The following EFCAB11 variants were observed in gnomAD, a reference collection of about 807,000 sequenced individuals.
EFCAB11 encodes EF-hand calcium binding domain 11, also known as EF-hand calcium-binding domain-containing protein 11.
Under a neutral mutation model 23.0 loss-of-function variants are expected in EFCAB11, and 14 were observed. The ratio of observed to expected loss-of-function variants is 0.61; its 90% confidence interval spans 0.40 to 0.95. The LOEUF (loss-of-function observed/expected upper bound fraction) is 0.95, where lower values mean the gene tolerates loss of function less well. Among genes scored for constraint, EFCAB11 ranks in the 40% least tolerant of loss-of-function variants. The pLI, the probability that EFCAB11 is intolerant of heterozygous loss-of-function variation, is 0.00. For missense variants in EFCAB11, 198 were observed against 195.8 expected, an observed-to-expected ratio of 1.01 and a Z score of -0.07; for synonymous variants, 65 against 66.6, an observed-to-expected ratio of 0.98 and a Z score of 0.11.
chr14:89,921,341 G>A (rs1283429603), intron 5 of EFCAB11, among the ~76,000 whole-genome samples: 2 of 152,156 alleles, frequency 1.3e-5, no homozygotes, highest in African/African-American at 4.8e-5. Context: ...TAGGGGCCTT[G>A]TATGTCAGGC....
At chr14:89,861,867 A>G (rs1026908204) in intron 5 of EFCAB11, among the ~76,000 whole-genome samples, 6 of 152,238 alleles carry the variant, frequency 3.9e-5, no homozygotes, top group Non-Finnish European at 8.8e-5. Flanking sequence ...CCCAGCCTCT[A>G]GAACTGTGAG....
chr14:89,952,566 C>T, intron 2 of EFCAB11: 1 of 985,470 alleles, frequency 1.0e-6, no homozygotes, highest in Non-Finnish European at 1.2e-6. Flanking sequence ...TAGGCAGCCC[C>T]TCATAGCTGA....
chr14:89,836,770 G>C (rs898084474), intron 5 of EFCAB11: 2 of 415,024 alleles, frequency 4.8e-6, no homozygotes, highest in Non-Finnish European at 9.7e-6. Context: ...TGTAATCCCA[G>C]CACTTTGGGA....
intron 5 of EFCAB11, among the ~76,000 whole-genome samples, chr14:89,833,828 C>G (rs1596389804): frequency 6.6e-6 from 1 of 152,144 alleles, no homozygotes; most frequent in East Asian, 1.9e-4. Flanking sequence ...AATTTATTTT[C>G]TTTCTCTCTA....
chr14:89,867,059 G>A (rs532356869), intron 5 of EFCAB11, among the ~76,000 whole-genome samples: 2 of 152,266 alleles, frequency 1.3e-5, no homozygotes, highest in Admixed American at 6.5e-5. Flanking sequence ...GAGCCACTGC[G>A]CCTGGCCTGA....
At position 89,885,889 on chromosome 14, in the gene EFCAB11, T is replaced by C. The variant is rs566194861; in HGVS notation, c.410+45652A>G. ...TTGGCTTCTTGTTTTTTTCTTTTTTTTTCTTTGGTGGAAATTGAAAAACTG... is the reference window on the plus strand; with the variant it reads ...TTGGCTTCTTGTTTTTTTCTTTTTTCTTCTTTGGTGGAAATTGAAAAACTG... On this transcript the variant is annotated intron_variant, in intron 5 of 5. Transcript: ENST00000316738. Among the ~76,000 whole-genome samples the C allele has an allele frequency of 6.6e-5, 10 of 150,606 alleles. No homozygotes were observed. The East Asian group carries it at 1.5e-3, about 23-fold the overall frequency.
chr14:89,807,279 C>G (rs769669972), intron 5 of EFCAB11, among the ~76,000 whole-genome samples: 2 of 152,176 alleles, frequency 1.3e-5, no homozygotes, highest in African/African-American at 2.4e-5. Context: ...CAGTACAAGT[C>G]CTTCCACAAA....
intron 5 of EFCAB11, among the ~76,000 whole-genome samples, chr14:89,925,749 G>A (rs895949499): frequency 1.2e-4 from 18 of 150,906 alleles, no homozygotes; most frequent in Admixed American, 1.0e-3. Context: ...GGGTTCAAGC[G>A]ATTCTCCTGC....
intron 5 of EFCAB11, among the ~76,000 whole-genome samples, chr14:89,854,956 A>C (rs753652583): frequency 2.2e-4 from 33 of 152,124 alleles, no homozygotes; most frequent in Non-Finnish European, 3.5e-4. Context: ...TTTGATACAC[A>C]ATCTCCTCAT....
chr14:89,798,192 T>C (rs1885639699), intron 5 of EFCAB11, among the ~76,000 whole-genome samples: 1 of 152,260 alleles, frequency 6.6e-6, no homozygotes, highest in Non-Finnish European at 1.5e-5. Flanking sequence ...ATAAACTTTC[T>C]GAATATTTCA....
Position 89,950,136 on chromosome 14 carries a change from C to T in EFCAB11, c.178G>A (p.Val60Met), listed in dbSNP as rs766970610. The T allele has an allele frequency of 1.3e-6, 2 of 1,557,994 alleles. No homozygotes were observed. Among genetic ancestry groups the T allele is most frequent in the Admixed American group, 1.7e-5 (1 of 57,250 alleles). ...TTTATTGAAGACATCACAGAATCCA[C>T]TTCTATCTAGAAAAGAGGAAAAAAT... ...LFGYKPSKIE[V>M]DSVMSSINPN... is the part of the protein sequence containing the mutation. Residue 60 changes from valine (V) to methionine (M), a missense_variant, in exon 3 of 6, where the codon GTG becomes ATG. Transcript: ENST00000316738.
At chr14:89,922,697 T>A (rs761840266) in intron 5 of EFCAB11, among the ~76,000 whole-genome samples, 1 of 152,160 alleles carries the variant, frequency 6.6e-6, no homozygotes, top group Non-Finnish European at 1.5e-5. Flanking sequence ...CCTACAAAAC[T>A]GTGCTACGGG....
At chr14:89,820,891 A>T (rs964420945) in intron 5 of EFCAB11, among the ~76,000 whole-genome samples, 3 of 151,754 alleles carry the variant, frequency 2.0e-5, no homozygotes, top group Admixed American at 2.0e-4. Context: ...TATATATATA[A>T]AATATGTTAT....
intron 5 of EFCAB11, among the ~76,000 whole-genome samples, chr14:89,806,983 A>G (rs191026114): frequency 4.6e-5 from 7 of 152,368 alleles, no homozygotes; most frequent in Admixed American, 3.3e-4. Flanking sequence ...ATATATAAAT[A>G]TAAAGAAAAA....
At chr14:89,938,367 G>A (rs978851143) in intron 3 of EFCAB11, among the ~76,000 whole-genome samples, 2 of 152,154 alleles carry the variant, frequency 1.3e-5, no homozygotes, top group Non-Finnish European at 2.9e-5. Flanking sequence ...TCTAGTCTGA[G>A]ACACAAAATT....
At chr14:89,899,381 T>C (rs1596442065) in intron 5 of EFCAB11, among the ~76,000 whole-genome samples, 1 of 152,208 alleles carries the variant, frequency 6.6e-6, no homozygotes, top group Non-Finnish European at 1.5e-5. Flanking sequence ...GGAGACCCCA[T>C]TTACATGCTC....
At chr14:89,809,825 T>C (rs979678371) in intron 5 of EFCAB11, among the ~76,000 whole-genome samples, 14 of 152,128 alleles carry the variant, frequency 9.2e-5, no homozygotes, top group Admixed American at 2.6e-4. Flanking sequence ...AATGACCACC[T>C]CTTTAAAAGA....
chr14:89,916,580 CCAATT>C (rs1889851448), intron 5 of EFCAB11, among the ~76,000 whole-genome samples: 1 of 152,236 alleles, frequency 6.6e-6, no homozygotes, highest in Non-Finnish European at 1.5e-5. Flanking sequence ...GCTGCTCTAT[CCAATT>C]CAACACATAA....
intron 3 of EFCAB11, among the ~76,000 whole-genome samples, chr14:89,948,342 G>T (rs1319401683): frequency 1.3e-5 from 2 of 152,128 alleles, no homozygotes; most frequent in Non-Finnish European, 2.9e-5. Context: ...ACAAACGCTG[G>T]CAAGGATATG....
Sources: gnomAD v4.1 joint callset for allele counts (sites outside exome capture counted in the v4.1 genomes callset) on GRCh38, gnomAD v4.1.1 for gene constraint, MANE v1.5 for transcripts, NCBI Gene and HGNC (gene_info 2026-07-23, HGNC 2026-07-21) for gene names.